The following PIK3CB variants were observed in gnomAD, a reference collection of about 807,000 sequenced individuals.
PIK3CB encodes the protein phosphatidylinositol 4,5-bisphosphate 3-kinase catalytic subunit beta isoform.
A neutral mutation model predicts 136.8 loss-of-function variants in PIK3CB; 39 were observed. The observed-to-expected ratio is 0.29, with a 90% confidence interval of 0.22 to 0.37. PIK3CB has a LOEUF of 0.37. Ranked by LOEUF, PIK3CB falls within the 10% of genes least tolerant of loss-of-function variation. PIK3CB has a pLI of 1.00. For missense variants in PIK3CB, 868 were observed against 1,275.4 expected (o/e 0.68, Z 4.87); for synonymous variants, 428 against 436.6 (o/e 0.98, Z 0.25).
At chr3:138,679,780 T>C (rs2043726527) in intron 19 of PIK3CB, among the ~76,000 whole-genome samples, 1 of 149,038 alleles carries the variant, frequency 6.7e-6, no homozygotes, top group Non-Finnish European at 1.5e-5. Context: ...ATTATTATTG[T>C]AGAGACAGGG....
At chr3:138,721,612 G>A (rs1399610074) in intron 8 of PIK3CB, among the ~76,000 whole-genome samples, 1 of 152,176 alleles carries the variant, frequency 6.6e-6, no homozygotes, top group African/African-American at 2.4e-5. Context: ...ATAAAAATAT[G>A]CATACAGAAT....
chr3:138,815,469 A>G (rs1020687933), intron 1 of PIK3CB, among the ~76,000 whole-genome samples: 5 of 151,494 alleles, frequency 3.3e-5, no homozygotes, highest in African/African-American at 9.7e-5. Context: ...AAAAGATTAG[A>G]AACAATTTAA....
At chr3:138,816,960 G>A (rs2108888527) in intron 1 of PIK3CB, among the ~76,000 whole-genome samples, 1 of 152,204 alleles carries the variant, frequency 6.6e-6, no homozygotes, top group African/African-American at 2.4e-5. Flanking sequence ...CAGCACTTTG[G>A]GAGGCCAAGG....
At chr3:138,749,700 C>T (rs2045430387) in intron 4 of PIK3CB, among the ~76,000 whole-genome samples, 1 of 152,162 alleles carries the variant, frequency 6.6e-6, no homozygotes, top group African/African-American at 2.4e-5. Context: ...TTCTCCACCT[C>T]TCTTTACCTG....
chr3:138,660,006 T>C (rs1481548817), intron 21 of PIK3CB, among the ~76,000 whole-genome samples: 1 of 151,522 alleles, frequency 6.6e-6, no homozygotes, highest in Non-Finnish European at 1.5e-5. Flanking sequence ...GAATATCCAT[T>C]AGGCTGAGAG....
chr3:138,675,772 C>A (rs1017797566), intron 19 of PIK3CB, among the ~76,000 whole-genome samples: 1 of 152,114 alleles, frequency 6.6e-6, no homozygotes, highest in Non-Finnish European at 1.5e-5. Context: ...TTGGAGGATT[C>A]ATTCTTCCTG....
intron 1 of PIK3CB, among the ~76,000 whole-genome samples, chr3:138,820,403 C>T (rs1933509949): frequency 1.3e-5 from 2 of 152,220 alleles, no homozygotes; most frequent in African/African-American, 4.8e-5. Flanking sequence ...GTATTCCCCA[C>T]ATATTGTAAC....
chr3:138,750,531 C>T (rs911868200), intron 4 of PIK3CB, among the ~76,000 whole-genome samples: 2 of 152,166 alleles, frequency 1.3e-5, no homozygotes, highest in South Asian at 2.1e-4. Flanking sequence ...TGACAGGAGG[C>T]GAAGTTCAGG....
chr3:138,762,026 C>T (rs894108824), intron 2 of PIK3CB, among the ~76,000 whole-genome samples: 6 of 151,580 alleles, frequency 4.0e-5, no homozygotes, highest in Non-Finnish European at 7.4e-5. Flanking sequence ...GTGGGTGGAT[C>T]ACCTGAGGTC....
At chr3:138,667,706 C>T (rs978646747) in intron 19 of PIK3CB, among the ~76,000 whole-genome samples, 2 of 150,876 alleles carry the variant, frequency 1.3e-5, no homozygotes, top group African/African-American at 2.4e-5. Flanking sequence ...GGACTACAGG[C>T]GCCTGCCACC....
At chr3:138,666,628 T>C (rs1332573805) in intron 19 of PIK3CB, among the ~76,000 whole-genome samples, 1 of 152,206 alleles carries the variant, frequency 6.6e-6, no homozygotes, top group African/African-American at 2.4e-5. Context: ...TTTCTCTAAT[T>C]TCTATTATAA....
intron 1 of PIK3CB, chr3:138,826,379 T>C (rs1315594229): frequency 6.6e-7 from 1 of 1,512,950 alleles, no homozygotes; most frequent in Non-Finnish European, 9.0e-7. Context: ...GGTGGAAGAA[T>C]AGCCTCAGAA....
chr3:138,804,111 C>T (rs1441457014), intron 1 of PIK3CB, among the ~76,000 whole-genome samples: 1 of 151,934 alleles, frequency 6.6e-6, no homozygotes, highest in Non-Finnish European at 1.5e-5. Flanking sequence ...ATTGCTTGAG[C>T]CCAGGACAAC....
chr3:138,667,277 G>A (rs936714101), intron 19 of PIK3CB, among the ~76,000 whole-genome samples: 3 of 151,696 alleles, frequency 2.0e-5, no homozygotes, highest in Non-Finnish European at 4.4e-5. Flanking sequence ...AGAGCACAAG[G>A]GGGAGCACAA....
At chr3:138,719,431 A>C (rs2044681519) in intron 8 of PIK3CB, among the ~76,000 whole-genome samples, 1 of 151,820 alleles carries the variant, frequency 6.6e-6, no homozygotes, top group African/African-American at 2.4e-5. Context: ...TTTTTAGTAA[A>C]GACAGGGTTT....
intron 19 of PIK3CB, among the ~76,000 whole-genome samples, chr3:138,675,042 C>G (rs1189607362): frequency 6.6e-6 from 1 of 151,942 alleles, no homozygotes; most frequent in African/African-American, 2.4e-5. Context: ...TGGGCGACAG[C>G]ACAAGACCCT....
chr3:138,695,111 C>G (rs2044107674), intron 13 of PIK3CB, among the ~76,000 whole-genome samples: 1 of 152,106 alleles, frequency 6.6e-6, no homozygotes, highest in Non-Finnish European at 1.5e-5. Flanking sequence ...GTCTGAAAAG[C>G]TATGAAGTAC....
chr3:138,802,411 A>AG (rs2046187619), intron 1 of PIK3CB, among the ~76,000 whole-genome samples: 1 of 151,552 alleles, frequency 6.6e-6, no homozygotes. Context: ...AGAAAAGGGA[A>AG]GGGGGAAAGT....
At chr3:138,798,557 T>C (rs1227080501) in intron 1 of PIK3CB, among the ~76,000 whole-genome samples, 3 of 152,122 alleles carry the variant, frequency 2.0e-5, no homozygotes, top group Non-Finnish European at 4.4e-5. Context: ...GGGTGGAGCA[T>C]TGGAGGAATG....
Sources: allele counts gnomAD v4.1 joint callset (sites outside exome capture counted in the v4.1 genomes callset), GRCh38; gene constraint gnomAD v4.1.1; transcripts MANE v1.5; gene names NCBI Gene and HGNC (gene_info 2026-07-23, HGNC 2026-07-21).